Variants in ROCK2 observed in about 807,000 individuals in gnomAD.
ROCK2 encodes Rho associated coiled-coil containing protein kinase 2.
ROCK2 carries 61 observed loss-of-function variants against 195.1 expected under a neutral mutation model. The ratio of observed to expected loss-of-function variants is 0.31; its 90% CI spans 0.25 to 0.39. The LOEUF (loss-of-function observed/expected upper bound fraction) is 0.39. Among genes scored for constraint, ROCK2 ranks in the 10% least tolerant of loss-of-function variants. The pLI is 1.00. For missense variants in ROCK2, 1,109 were observed against 1,637.4 expected (o/e 0.68, Z 5.57); for synonymous variants, 504 against 545.5 (o/e 0.92, Z 1.06).
intron 3 of ROCK2, among the ~76,000 whole-genome samples, chr2:11,285,079 A>G (rs1667140119): frequency 6.6e-6 from 1 of 152,026 alleles, no homozygotes; most frequent in Non-Finnish European, 1.5e-5. Context: ...ACTGACCAAC[A>G]TGGAGAAACC....
chr2:11,262,237 A>G (rs1260973809), intron 3 of ROCK2, among the ~76,000 whole-genome samples: 2 of 152,186 alleles, frequency 1.3e-5, no homozygotes, highest in African/African-American at 4.8e-5. Context: ...AACTGGCTAT[A>G]CATATGAAAA....
chr2:11,240,296 T>C (rs1665378021), intron 4 of ROCK2, among the ~76,000 whole-genome samples: 1 of 152,160 alleles, frequency 6.6e-6, no homozygotes, highest in South Asian at 2.1e-4. Context: ...GACACGTGAG[T>C]CACCTCACTG....
chr2:11,194,001 T>C (rs779654824), intron 29 of ROCK2, 144 bp from the exon 30 acceptor site: 2 of 426,900 alleles, frequency 4.7e-6, no homozygotes, highest in East Asian at 8.0e-5. Flanking sequence ...ATTAATTCTA[T>C]AATTAATTAA....
chr2:11,345,007 G>A (rs1251442398), upstream of ROCK2, among the ~76,000 whole-genome samples: 11 of 150,798 alleles, frequency 7.3e-5, no homozygotes, highest in Non-Finnish European at 1.0e-4. Context: ...AGCGCACCGT[G>A]CGCTGGGGGG....
intron 3 of ROCK2, among the ~76,000 whole-genome samples, chr2:11,255,229 A>G (rs1275849964): frequency 6.7e-6 from 1 of 150,068 alleles, no homozygotes; most frequent in Non-Finnish European, 1.5e-5. Flanking sequence ...AAAAAAAAAA[A>G]AAAAAAAACT....
chr2:11,194,282 G>T lies in ROCK2; in HGVS notation c.3582C>A (p.Ser1194=). 1 of 1,454,606 alleles carries T rather than the reference G, an allele frequency of 6.9e-7. No individual in the cohort carries two copies. Among genetic ancestry groups the T allele is most frequent in the Non-Finnish European group, 9.4e-7 (1 of 1,068,934 alleles). The allele number at this position is 1,454,606 out of a possible 1,614,324, so 90.1% of individuals were successfully genotyped here. A position where few individuals can be genotyped will look rare whatever the true frequency, so the allele number is the denominator to read the frequency against. ...FYDSEQDKEQ[S]NPYMVLDIDK... ...CTATATCTAAAACCATGTAAGGATT[G>T]GATTGTTCTTTATCTTGTTCACTGT... The change falls in exon 29 of 33, where the codon TCC becomes TCA. Residue 1194 remains serine (S), a synonymous_variant. Transcript: ENST00000315872.
chr2:11,319,066 AGGAT>A (rs1371609516), intron 1 of ROCK2, among the ~76,000 whole-genome samples: 2 of 152,232 alleles, frequency 1.3e-5, no homozygotes, highest in African/African-American at 4.8e-5. Context: ...CTTTTGGCTC[AGGAT>A]TGACTTGGCA....
chr2:11,316,229 G>C (rs1668188102), intron 1 of ROCK2, among the ~76,000 whole-genome samples: 1 of 152,080 alleles, frequency 6.6e-6, no homozygotes, highest in Non-Finnish European at 1.5e-5. Context: ...CAGTATCAGA[G>C]GTGGGTGGAA....
At chr2:11,214,799 AATC>A in intron 16 of ROCK2, 38 bp downstream of exon 16, 2 of 1,543,610 alleles carry the variant, frequency 1.3e-6, no homozygotes, top group South Asian at 1.2e-5. Context: ...TTAAAATAAG[AATC>A]ATCAAAATTA....
At chr2:11,185,463 T>C (rs773634392) in intron 32 of ROCK2, among the ~76,000 whole-genome samples, 11 of 152,214 alleles carry the variant, frequency 7.2e-5, no homozygotes, top group Non-Finnish European at 1.3e-4. Flanking sequence ...ATGCGGTGGC[T>C]CACGTCTGTA....
At chr2:11,188,329 T>C (rs546948622) in intron 32 of ROCK2, among the ~76,000 whole-genome samples, 53 of 152,086 alleles carry the variant, frequency 3.5e-4, no homozygotes, top group Non-Finnish European at 6.5e-4. Flanking sequence ...AGGCTTGTCT[T>C]GAACTCCTGA....
chr2:11,179,955 CA>C lies in ROCK2; in HGVS notation c.*3481del. 6.6e-6 allele frequency: 1 copy of C among 152,010 alleles called. No homozygotes were observed. Among genetic ancestry groups the C allele is most frequent in the South Asian group, 2.1e-4 (1 of 4,826 alleles). 9.4% of individuals were successfully genotyped at this position (152,010 alleles called of 1,614,324 possible). A position where few individuals can be genotyped will look rare whatever the true frequency, so the allele number is the denominator to read the frequency against. Reference sequence around the variant, plus strand: ...GTTCATTACTTATTACAATTCCAAACAAAACTCATTATTATGGGGATGGGAG... The same window carrying C: ...GTTCATTACTTATTACAATTCCAAACAAACTCATTATTATGGGGATGGGAG... On this transcript the variant is annotated 3_prime_UTR_variant, in exon 33 of 33. Coordinates refer to ENST00000315872, the MANE Select transcript of ROCK2 (RefSeq NM_004850.5).
intron 32 of ROCK2, among the ~76,000 whole-genome samples, chr2:11,191,610 A>G (rs1029088984): frequency 4.6e-5 from 7 of 152,198 alleles, no homozygotes; most frequent in African/African-American, 1.7e-4. Flanking sequence ...TCTGTGTACA[A>G]TGTTAATTCT....
chr2:11,217,108 T>A lies in ROCK2; in HGVS notation c.1394A>T (p.Glu465Val). 3 of 1,548,084 alleles carry A rather than the reference T, an allele frequency of 1.9e-6. No homozygotes were observed. The Middle Eastern group carries it at 5.0e-4, about 261-fold the overall frequency. ...HLSNEMQAKE[E>V]LEQKCKSVNT... ...AACATACTTGCACTTCTGTTCCAGTTCCTCTTTGGCTTGCATCTCATTGCT... is the reference window on the plus strand; with the variant it reads ...AACATACTTGCACTTCTGTTCCAGTACCTCTTTGGCTTGCATCTCATTGCT... Residue 465 changes from glutamate to valine, a missense_variant, in exon 12 of 33, where the codon GAA becomes GTA. Transcript: ENST00000315872.
chr2:11,256,728 A>T (rs115052030), intron 3 of ROCK2, among the ~76,000 whole-genome samples: 1 of 151,380 alleles, frequency 6.6e-6, no homozygotes, highest in Non-Finnish European at 1.5e-5. Context: ...AAAGAGTATT[A>T]TAAGAGATAA....
At chr2:11,195,481 C>G (rs1663597001) in intron 27 of ROCK2, among the ~76,000 whole-genome samples, 1 of 151,992 alleles carries the variant, frequency 6.6e-6, no homozygotes, top group African/African-American at 2.4e-5. Flanking sequence ...TTTAGAATAA[C>G]TATAATAAAA....
intron 1 of ROCK2, among the ~76,000 whole-genome samples, chr2:11,317,935 G>A (rs540562823): frequency 2.5e-4 from 38 of 152,052 alleles, no homozygotes; most frequent in Non-Finnish European, 4.1e-4. Context: ...TCCCTGCAAA[G>A]GACATGAACT....
chr2:11,319,509 A>C (rs948560940), intron 1 of ROCK2, among the ~76,000 whole-genome samples: 1 of 152,166 alleles, frequency 6.6e-6, no homozygotes, highest in Non-Finnish European at 1.5e-5. Flanking sequence ...GGCTGAGACG[A>C]TGGGGTTTTC....
In ROCK2 at chr2:11,194,300, T is replaced by C; in HGVS notation, c.3564A>G (p.Glu1188=). Residue 1188 remains glutamate, a synonymous_variant, in exon 29 of 33, where the codon GAA becomes GAG. Coordinates refer to ENST00000315872, the MANE Select transcript of ROCK2 (RefSeq NM_004850.5). ...SSKKILFYDS[E]QDKEQSNPYM... Reference sequence around the variant, plus strand: ...AAGGATTGGATTGTTCTTTATCTTGTTCACTGTCATAGAAAAGAATCTTCT... The same window carrying C: ...AAGGATTGGATTGTTCTTTATCTTGCTCACTGTCATAGAAAAGAATCTTCT... 1 of 1,480,608 alleles carries C rather than the reference T, an allele frequency of 6.8e-7. No homozygotes were observed. The highest frequency in any genetic ancestry group is 1.4e-5 in the South Asian group (1 of 70,458). The allele number at this position is 1,480,608 out of a possible 1,614,324, so 91.7% of individuals were successfully genotyped here. A position where few individuals can be genotyped will look rare whatever the true frequency, so the allele number is the denominator to read the frequency against.
Sources: gnomAD v4.1 joint callset for allele counts (sites outside exome capture counted in the v4.1 genomes callset) on GRCh38, gnomAD v4.1.1 for gene constraint, MANE v1.5 for transcripts, NCBI Gene and HGNC (gene_info 2026-07-23, HGNC 2026-07-21) for gene names.